The following RELN variants were observed in gnomAD, a reference collection of about 807,000 sequenced individuals.
RELN encodes reelin.
Under a neutral mutation model 427.6 loss-of-function variants are expected in RELN, and 108 were observed. The ratio of observed to expected loss-of-function variants is 0.25; its 90% confidence interval spans 0.22 to 0.30. The LOEUF (loss-of-function observed/expected upper bound fraction) is 0.30, where lower values mean the gene tolerates loss of function less well. Among genes scored for constraint, RELN ranks in the 10% least tolerant of loss-of-function variants. The pLI is 1.00. For synonymous variants in RELN, 1,524 were observed against 1,513.4 expected (o/e 1.01, Z -0.16); for missense variants, 3,715 against 4,302.8 (o/e 0.86, Z 3.82).
chr7:103,957,537 G>A (rs2116779772), intron 1 of RELN, among the ~76,000 whole-genome samples: 1 of 152,192 alleles, frequency 6.6e-6, no homozygotes, highest in Middle Eastern at 3.4e-3. Context: ...GTGAATCGAG[G>A]CACAGGGAGG....
At position 103,495,643 on chromosome 7, in the gene RELN, A is replaced by G. The variant is rs1828817599; in HGVS notation, c.9369+80T>C. 21 of 1,295,266 alleles carry G rather than the reference A, an allele frequency of 1.6e-5. No individual in the cohort carries two copies. In the South Asian group the frequency reaches 2.5e-4, roughly 15 times the overall value. The allele number at this position is 1,295,266 out of a possible 1,614,324, so 80.2% of individuals were successfully genotyped here. A position where few individuals can be genotyped will look rare whatever the true frequency, so the allele number is the denominator to read the frequency against. On this transcript the variant is annotated intron_variant, in intron 57 of 64. Coordinates refer to ENST00000428762, the MANE Select transcript of RELN (RefSeq NM_005045.4). Reference sequence around the variant, plus strand: ...AATGAATAATATCAGTCATTTCCTTATAGTTGTCTGACTAACCATTCTCCC... The same window carrying G: ...AATGAATAATATCAGTCATTTCCTTGTAGTTGTCTGACTAACCATTCTCCC...
chr7:103,736,560 G>A (rs1177087913), intron 6 of RELN, among the ~76,000 whole-genome samples: 1 of 152,018 alleles, frequency 6.6e-6, no homozygotes, highest in Non-Finnish European at 1.5e-5. Context: ...TATTTCTCTA[G>A]GGAGTTAAAA....
At chr7:103,515,703 T>C (rs770488965) in intron 49 of RELN, among the ~76,000 whole-genome samples, 59 of 152,354 alleles carry the variant, frequency 3.9e-4, no homozygotes, top group Non-Finnish European at 1.8e-4. Context: ...GGGCAGGCTT[T>C]AGAGGGACTG....
At chr7:103,658,424 T>C (rs150065542) in intron 12 of RELN, among the ~76,000 whole-genome samples, 1 of 152,236 alleles carries the variant, frequency 6.6e-6, no homozygotes, top group East Asian at 1.9e-4. Context: ...TTATCTCCCA[T>C]CAGCCAAGAA....
chr7:103,670,053 G>A (rs1833356636), intron 11 of RELN, among the ~76,000 whole-genome samples: 1 of 151,966 alleles, frequency 6.6e-6, no homozygotes, highest in Admixed American at 6.6e-5. Context: ...TGTTTTTTCT[G>A]CCATTAAAAG....
At chr7:103,752,354 T>C (rs1490652051) in intron 5 of RELN, among the ~76,000 whole-genome samples, 1 of 152,166 alleles carries the variant, frequency 6.6e-6, no homozygotes, top group East Asian at 1.9e-4. Flanking sequence ...GAGCATGACA[T>C]TATGAAAAAT....
intron 2 of RELN, among the ~76,000 whole-genome samples, chr7:103,908,314 C>T (rs959694202): frequency 3.3e-5 from 5 of 152,096 alleles, no homozygotes; most frequent in South Asian, 2.1e-4. Flanking sequence ...TACTTCATTC[C>T]GAGTCTTTAA....
intron 10 of RELN, among the ~76,000 whole-genome samples, chr7:103,686,172 A>T (rs1186468137): frequency 6.6e-6 from 1 of 152,148 alleles, no homozygotes; most frequent in Non-Finnish European, 1.5e-5. Context: ...GGGCAATGCC[A>T]GCTTGCAGAG....
rs2117391388 is a variant in RELN, at chr7:103,652,603, T to C, written c.1711A>G (p.Met571Val). The C allele has an allele frequency of 6.2e-7, 1 of 1,612,930 alleles. No individual in the cohort carries two copies. The highest frequency in any genetic ancestry group is 8.5e-7 in the Non-Finnish European group (1 of 1,179,286). The change falls in exon 14 of 65, where the codon ATG (methionine) becomes GTG (valine). Residue 571 changes from methionine to valine, a missense_variant. Met to Val is a conservative substitution (Grantham distance 21). Coordinates refer to ENST00000428762, the MANE Select transcript of RELN (RefSeq NM_005045.4). ...CCCAGATTGATGGAAAACTGTATCA[T>C]GTGAGACATTGTAGAAGGGAGAACA... is the stretch of plus-strand genomic sequence containing the variant. ...LPVLPSTMSHMIQFSINLGCG... is the reference protein window; with the variant it reads ...LPVLPSTMSHVIQFSINLGCG...
intron 10 of RELN, among the ~76,000 whole-genome samples, chr7:103,695,998 C>T (rs1329791569): frequency 1.3e-5 from 2 of 152,126 alleles, no homozygotes; most frequent in Admixed American, 6.6e-5. Context: ...TAGGGTTTGA[C>T]TTGTTAAGCA....
At chr7:103,972,764 G>A (rs1796789750) in intron 1 of RELN, among the ~76,000 whole-genome samples, 1 of 152,316 alleles carries the variant, frequency 6.6e-6, no homozygotes, top group South Asian at 2.1e-4. Context: ...TCGCTTTAAA[G>A]CTAAATTAGA....
intron 46 of RELN, among the ~76,000 whole-genome samples, chr7:103,529,147 A>G (rs370550425): frequency 6.9e-6 from 1 of 144,012 alleles, no homozygotes; most frequent in Non-Finnish European, 1.5e-5. Context: ...AAAAAAAAAA[A>G]GTCCTCTCTA....
chr7:103,781,213 C>G (rs149366848), intron 3 of RELN, among the ~76,000 whole-genome samples: 1 of 151,814 alleles, frequency 6.6e-6, no homozygotes, highest in Non-Finnish European at 1.5e-5. Flanking sequence ...GCACTGCACT[C>G]CTTAGGGTGG....
intron 3 of RELN, among the ~76,000 whole-genome samples, chr7:103,795,248 C>T (rs574561630): frequency 1.3e-5 from 2 of 152,208 alleles, no homozygotes; most frequent in Admixed American, 6.5e-5. Flanking sequence ...ATGGTCCTCA[C>T]AGGCTCAAGC....
chr7:103,531,878 G>A (rs1290719565), intron 46 of RELN, among the ~76,000 whole-genome samples: 2 of 152,188 alleles, frequency 1.3e-5, no homozygotes, highest in Non-Finnish European at 2.9e-5. Context: ...CATTGTGGAA[G>A]ACAGTGTGGC....
At chr7:103,536,480 T>C (rs1475863717) in intron 45 of RELN, among the ~76,000 whole-genome samples, 4 of 152,310 alleles carry the variant, frequency 2.6e-5, no homozygotes, top group East Asian at 1.9e-4. Flanking sequence ...GAGATTCTGA[T>C]TGAACTCTTT....
At position 103,635,426 on chromosome 7, in the gene RELN, T is replaced by C. The variant is rs945117892; in HGVS notation, c.2464A>G (p.Arg822Gly). 15 of 1,613,760 alleles carry C rather than the reference T, an allele frequency of 9.3e-6. No individual in the cohort carries two copies. The Admixed American group carries it at 2.0e-4, about 22-fold the overall frequency. The stretch of plus-strand genomic sequence containing the variant: ...TTTTCCAAATGCTTTCCAACATACC[T>C]GGGCTCATGATAGCTGAGATATGAA... Reference protein sequence around the residue: ...HYSYLSYHEPRIISVELPGDA... With the variant: ...HYSYLSYHEPGIISVELPGDA... The change falls in exon 19 of 65, where the codon AGA (arginine) becomes GGA (glycine). Residue 822 changes from arginine (R) to glycine (G), a missense_variant and splice_region_variant. Arg to Gly is a moderately radical substitution (Grantham distance 125). Coordinates refer to ENST00000428762, the MANE Select transcript of RELN (RefSeq NM_005045.4).
intron 6 of RELN, among the ~76,000 whole-genome samples, chr7:103,740,067 A>C (rs1790602839): frequency 6.6e-6 from 1 of 152,220 alleles, no homozygotes. Flanking sequence ...GCTGGGGACC[A>C]GAGGTGCATC....
At chr7:103,524,285 T>C (rs1829775050) in intron 46 of RELN, among the ~76,000 whole-genome samples, 1 of 152,184 alleles carries the variant, frequency 6.6e-6, no homozygotes, top group South Asian at 2.1e-4. Flanking sequence ...GAACATGGGC[T>C]GGATTTCAGC....
Sources: allele counts gnomAD v4.1 joint callset (sites outside exome capture counted in the v4.1 genomes callset), GRCh38; gene constraint gnomAD v4.1.1; transcripts MANE v1.5; gene names NCBI Gene and HGNC (gene_info 2026-07-23, HGNC 2026-07-21).